The following SUPT3H variants were observed in gnomAD, a reference collection of about 807,000 sequenced individuals.
The protein encoded by SUPT3H is transcription initiation protein SPT3 homolog.
Under a neutral mutation model 44.3 loss-of-function variants are expected in SUPT3H, and 44 were observed. That is an observed-to-expected ratio of 0.99 (90% CI 0.78 to 1.28). SUPT3H has a LOEUF of 1.28. Among genes scored for constraint, SUPT3H ranks in the 50% most tolerant of loss-of-function variants. SUPT3H has a pLI of 0.00. For synonymous variants in SUPT3H, 124 were observed against 125.6 expected, an observed-to-expected ratio of 0.99 and a Z score of 0.09; for missense variants, 380 against 387.1, an observed-to-expected ratio of 0.98 and a Z score of 0.15.
chr6:45,254,059 G>A (rs980140874), intron 2 of SUPT3H, among the ~76,000 whole-genome samples: 1 of 151,696 alleles, frequency 6.6e-6, no homozygotes, highest in African/African-American at 2.4e-5. Flanking sequence ...TACCTCATAT[G>A]TTTATATTTT....
chr6:45,087,041 T>C (rs1796558834), intron 3 of SUPT3H, among the ~76,000 whole-genome samples: 1 of 151,934 alleles, frequency 6.6e-6, no homozygotes, highest in Non-Finnish European at 1.5e-5. Context: ...TCCAAAACCA[T>C]CAAGAGTTTA....
At chr6:45,123,773 T>C (rs1802013846) in intron 2 of SUPT3H, among the ~76,000 whole-genome samples, 1 of 152,138 alleles carries the variant, frequency 6.6e-6, no homozygotes, top group Non-Finnish European at 1.5e-5. Flanking sequence ...GCCATCACAA[T>C]ACCAAAGTCA....
At chr6:45,372,901 TC>T (rs2150316268) in intron 1 of SUPT3H, among the ~76,000 whole-genome samples, 1 of 152,182 alleles carries the variant, frequency 6.6e-6, no homozygotes, top group African/African-American at 2.4e-5. Flanking sequence ...CACTGCAACC[TC>T]CGCCTCCAGG....
intron 3 of SUPT3H, among the ~76,000 whole-genome samples, chr6:45,096,569 AG>A (rs1392530460): frequency 1.3e-5 from 2 of 152,138 alleles, no homozygotes; most frequent in African/African-American, 4.8e-5. Flanking sequence ...ATTAGATGAG[AG>A]GATATAGATT....
intron 2 of SUPT3H, among the ~76,000 whole-genome samples, chr6:45,334,718 C>CACACCAATGACT (rs1788210217): frequency 1.3e-5 from 2 of 151,120 alleles, no homozygotes; most frequent in African/African-American, 4.8e-5. Flanking sequence ...TGAATGCATT[C>CACACCAATGACT]ACACCAATGA....
chr6:44,956,432 C>T (rs1055576663), intron 7 of SUPT3H, among the ~76,000 whole-genome samples: 1 of 121,602 alleles, frequency 8.2e-6, no homozygotes, highest in Non-Finnish European at 1.6e-5. Context: ...TGCAGTGAGC[C>T]GAGATGGCGC....
chr6:45,207,170 T>TA (rs1378531198), intron 2 of SUPT3H, among the ~76,000 whole-genome samples: 2 of 152,112 alleles, frequency 1.3e-5, no homozygotes, highest in Non-Finnish European at 2.9e-5. Context: ...AAGTTAAACC[T>TA]AAATAAATAA....
intron 10 of SUPT3H, among the ~76,000 whole-genome samples, chr6:44,831,620 A>C (rs1351204899): frequency 6.6e-6 from 1 of 152,176 alleles, no homozygotes; most frequent in African/African-American, 2.4e-5. Context: ...ATCATGTATT[A>C]TTTAAAGCAC....
chr6:44,856,863 C>A (rs1236473719), intron 10 of SUPT3H, among the ~76,000 whole-genome samples: 1 of 152,082 alleles, frequency 6.6e-6, no homozygotes, highest in African/African-American at 2.4e-5. Context: ...TAATTTAAGG[C>A]AAAGGTAATG....
At chr6:45,126,981 T>C (rs1380350991) in intron 2 of SUPT3H, among the ~76,000 whole-genome samples, 1 of 152,140 alleles carries the variant, frequency 6.6e-6, no homozygotes, top group South Asian at 2.1e-4. Flanking sequence ...CTGACTTGAA[T>C]AATGCTGTTT....
At chr6:44,999,273 G>A (rs751004289) in intron 6 of SUPT3H, among the ~76,000 whole-genome samples, 1 of 151,882 alleles carries the variant, frequency 6.6e-6, no homozygotes, top group Non-Finnish European at 1.5e-5. Context: ...ATAGTGTTTC[G>A]GTTTTTCGTT....
chr6:45,001,298 T>C (rs1300355072), intron 6 of SUPT3H, among the ~76,000 whole-genome samples: 3 of 152,070 alleles, frequency 2.0e-5, no homozygotes, highest in Non-Finnish European at 2.9e-5. Context: ...TTAATCTTTA[T>C]TTGATCATTT....
At chr6:44,941,687 T>C (rs748969014) in intron 9 of SUPT3H, among the ~76,000 whole-genome samples, 16 of 152,136 alleles carry the variant, frequency 1.1e-4, no homozygotes, top group Non-Finnish European at 1.9e-4. Context: ...CACAATTTTA[T>C]AGATGAAAGA....
intron 3 of SUPT3H, among the ~76,000 whole-genome samples, chr6:45,071,219 G>T (rs1353581736): frequency 6.6e-6 from 1 of 151,722 alleles, no homozygotes; most frequent in African/African-American, 2.4e-5. Flanking sequence ...ACAGACACCT[G>T]GGAAACCTAA....
Position 45,099,193 on chromosome 6 carries a change from A to G in SUPT3H, c.186+6729T>C, listed in dbSNP as rs1798203471. ...CACCCTTTCCTTTCATGACAACTCC[A>G]GGATTAATCCACTATCTTTCTCATG... On this transcript the variant is annotated intron_variant, in intron 3 of 10. Transcript: ENST00000371459. The G allele has an allele frequency of 1.9e-5, 5 of 259,654 alleles. No homozygotes were observed. The South Asian group carries it at 2.2e-4, about 11-fold the overall frequency. 16.1% of individuals were successfully genotyped at this position (259,654 alleles called of 1,614,324 possible). A position where few individuals can be genotyped will look rare whatever the true frequency, so the allele number is the denominator to read the frequency against.
At chr6:45,358,744 T>C (rs1299340325) in intron 2 of SUPT3H, among the ~76,000 whole-genome samples, 3 of 152,180 alleles carry the variant, frequency 2.0e-5, no homozygotes, top group Non-Finnish European at 4.4e-5. Flanking sequence ...AAGTTAATAC[T>C]GTACATAAAT....
intron 2 of SUPT3H, among the ~76,000 whole-genome samples, chr6:45,210,110 C>T (rs954196873): frequency 1.3e-5 from 2 of 151,712 alleles, no homozygotes; most frequent in Non-Finnish European, 2.9e-5. Flanking sequence ...TTTTTAAAGA[C>T]ATAAGGCTAC....
At chr6:45,254,373 C>G (rs1424937791) in intron 2 of SUPT3H, among the ~76,000 whole-genome samples, 1 of 152,102 alleles carries the variant, frequency 6.6e-6, no homozygotes, top group African/African-American at 2.4e-5. Flanking sequence ...TTAGCAAGCT[C>G]AAATCTGTGC....
intron 2 of SUPT3H, among the ~76,000 whole-genome samples, chr6:45,335,026 T>C (rs1209740204): frequency 6.6e-6 from 1 of 151,278 alleles, no homozygotes; most frequent in Non-Finnish European, 1.5e-5. Context: ...ATGAATGGAA[T>C]TAATTTGCTA....
Sources: allele counts gnomAD v4.1 joint callset (sites outside exome capture counted in the v4.1 genomes callset), GRCh38; gene constraint gnomAD v4.1.1; transcripts MANE v1.5; gene names NCBI Gene and HGNC (gene_info 2026-07-23, HGNC 2026-07-21).